The following KPNA3 variants were observed in gnomAD, a reference collection of about 807,000 sequenced individuals.
KPNA3 encodes the protein importin subunit alpha-4.
In KPNA3, 13 loss-of-function variants were observed where a neutral mutation model predicts 73.8. The ratio of observed to expected loss-of-function variants is 0.18; its 90% CI spans 0.11 to 0.28. The LOEUF (loss-of-function observed/expected upper bound fraction) is 0.28, where lower values mean the gene tolerates loss of function less well. Ranked by LOEUF, KPNA3 falls within the 10% of genes least tolerant of loss-of-function variation. KPNA3 has a pLI of 1.00. For synonymous variants in KPNA3, 186 were observed against 206.9 expected, an observed-to-expected ratio of 0.90 and a Z score of 0.87; for missense variants, 360 against 618.1, an observed-to-expected ratio of 0.58 and a Z score of 4.43.
chr13:49,759,075 C>T (rs1954736392), intron 1 of KPNA3, among the ~76,000 whole-genome samples: 2 of 151,998 alleles, frequency 1.3e-5, no homozygotes, highest in Admixed American at 1.3e-4. Context: ...TGTTCAAAGA[C>T]AATACAATTA....
chr13:49,710,410 T>C (rs1299055413), intron 11 of KPNA3, among the ~76,000 whole-genome samples: 1 of 152,170 alleles, frequency 6.6e-6, no homozygotes, highest in East Asian at 1.9e-4. Flanking sequence ...AATTAGGTTA[T>C]TGCAATTATT....
At chr13:49,750,582 T>C (rs1954653834) in intron 1 of KPNA3, among the ~76,000 whole-genome samples, 1 of 151,740 alleles carries the variant, frequency 6.6e-6, no homozygotes, top group Non-Finnish European at 1.5e-5. Context: ...CAAGGAGCCA[T>C]GATGGTGCCA....
intron 1 of KPNA3, among the ~76,000 whole-genome samples, chr13:49,788,078 G>C (rs984080110): frequency 1.3e-5 from 2 of 152,212 alleles, no homozygotes; most frequent in Non-Finnish European, 2.9e-5. Context: ...TAGGCCTCAA[G>C]TTGCCTCAGC....
intron 1 of KPNA3, among the ~76,000 whole-genome samples, chr13:49,765,887 T>C (rs887880623): frequency 6.6e-6 from 1 of 152,196 alleles, no homozygotes. Flanking sequence ...GCAAGTCCCA[T>C]AACCTTGGGA....
At chr13:49,742,858 C>T (rs553347576) in intron 2 of KPNA3, among the ~76,000 whole-genome samples, 9 of 152,174 alleles carry the variant, frequency 5.9e-5, no homozygotes, top group South Asian at 2.1e-4. Context: ...TTGAGTAGCA[C>T]GGCCTATATC....
intron 6 of KPNA3, among the ~76,000 whole-genome samples, chr13:49,730,775 CCT>C (rs1954460301): frequency 2.6e-5 from 3 of 116,432 alleles, no homozygotes; most frequent in African/African-American, 1.0e-4. Context: ...CCCCCTCCCC[CCT>C]ATTTATTCAT....
At chr13:49,785,075 G>A (rs1316525841) in intron 1 of KPNA3, among the ~76,000 whole-genome samples, 4 of 152,056 alleles carry the variant, frequency 2.6e-5, no homozygotes, top group East Asian at 3.8e-4. Context: ...TAGCACTGGC[G>A]AGGAGGGGCA....
At chr13:49,767,183 G>A (rs375718210) in intron 1 of KPNA3, among the ~76,000 whole-genome samples, 9 of 151,754 alleles carry the variant, frequency 5.9e-5, no homozygotes, top group Non-Finnish European at 1.0e-4. Flanking sequence ...TTGGGAGGCC[G>A]AGGTGGGCGG....
At chr13:49,769,032 ATGTTT>A (rs780839461) in intron 1 of KPNA3, among the ~76,000 whole-genome samples, 1 of 152,214 alleles carries the variant, frequency 6.6e-6, no homozygotes, top group Non-Finnish European at 1.5e-5. Flanking sequence ...CAAGATAGTT[ATGTTT>A]TAAGAATAGG....
In KPNA3 at chr13:49,783,276, T is replaced by C. The variant is rs574052434; in HGVS notation, c.69+9162A>G. On this transcript the variant is annotated intron_variant, in intron 1 of 16. Transcript: ENST00000261667. ...AAGAATGATTAATTCCAAGTAAATATAGTCATGATTTATTTTACCATATTT... is the reference window on the plus strand; with the variant it reads ...AAGAATGATTAATTCCAAGTAAATACAGTCATGATTTATTTTACCATATTT... 5.9e-5 allele frequency among the ~76,000 whole-genome samples: 9 copies of C among 152,198 alleles called. No individual in the cohort carries two copies. The South Asian group carries it at 6.2e-4, about 11-fold the overall frequency.
At chr13:49,759,992 G>A (rs1954745196) in intron 1 of KPNA3, among the ~76,000 whole-genome samples, 1 of 152,194 alleles carries the variant, frequency 6.6e-6, no homozygotes, top group African/African-American at 2.4e-5. Flanking sequence ...CTTTCTGATG[G>A]AAGAGAAAAC....
chr13:49,704,873 A>G (rs537052620), intron 15 of KPNA3, among the ~76,000 whole-genome samples: 1 of 152,370 alleles, frequency 6.6e-6, no homozygotes, highest in East Asian at 1.9e-4. Context: ...TTTTCCAACT[A>G]TATGAAATAA....
At chr13:49,772,589 G>C (rs1234947846) in intron 1 of KPNA3, among the ~76,000 whole-genome samples, 1 of 152,132 alleles carries the variant, frequency 6.6e-6, no homozygotes, top group African/African-American at 2.4e-5. Context: ...GATCACCTGA[G>C]GTCAGGAGTT....
At chr13:49,756,552 G>A (rs1041719059) in intron 1 of KPNA3, among the ~76,000 whole-genome samples, 3 of 152,114 alleles carry the variant, frequency 2.0e-5, no homozygotes, top group Non-Finnish European at 2.9e-5. Context: ...GCAAGATCCT[G>A]TTTCTAGCTT....
chr13:49,725,556 T>A, intron 6 of KPNA3, 55 bp from the exon 7 acceptor site: 1 of 1,125,500 alleles, frequency 8.9e-7, no homozygotes, highest in South Asian at 1.3e-5. Flanking sequence ...CTTAAATTAA[T>A]GAATCTTAAG....
At chr13:49,747,617 C>T (rs951478846) in intron 1 of KPNA3, among the ~76,000 whole-genome samples, 3 of 152,190 alleles carry the variant, frequency 2.0e-5, no homozygotes, top group Non-Finnish European at 2.9e-5. Context: ...ACCTGGGAGA[C>T]GGAGGTTGAA....
intron 2 of KPNA3, among the ~76,000 whole-genome samples, chr13:49,734,216 C>T (rs1028389036): frequency 6.6e-6 from 1 of 152,086 alleles, no homozygotes; most frequent in African/African-American, 2.4e-5. Context: ...AATAGTTTTC[C>T]TACTGTTCAT....
intron 10 of KPNA3, among the ~76,000 whole-genome samples, 167 bp downstream of exon 10, chr13:49,719,608 T>C (rs1954336715): frequency 1.3e-5 from 2 of 152,210 alleles, no homozygotes; most frequent in South Asian, 2.1e-4. Flanking sequence ...TGTTACTGCT[T>C]ACAGATTTAA....
At chr13:49,760,876 G>T (rs1954753094) in intron 1 of KPNA3, among the ~76,000 whole-genome samples, 1 of 152,102 alleles carries the variant, frequency 6.6e-6, no homozygotes, top group Non-Finnish European at 1.5e-5. Context: ...AAAAAGAGGA[G>T]GCAAGAGTAA....
Sources: gnomAD v4.1 joint callset for allele counts (sites outside exome capture counted in the v4.1 genomes callset) on GRCh38, gnomAD v4.1.1 for gene constraint, MANE v1.5 for transcripts, NCBI Gene and HGNC (gene_info 2026-07-23, HGNC 2026-07-21) for gene names.